The following PDE4D variants were observed in gnomAD, a reference collection of about 807,000 sequenced individuals.
PDE4D encodes 3',5'-cyclic-AMP phosphodiesterase 4D.
In PDE4D, 24 loss-of-function variants were observed where a neutral mutation model predicts 87.4. The observed-to-expected ratio is 0.27, with a 90% CI of 0.20 to 0.39. The LOEUF (loss-of-function observed/expected upper bound fraction) is 0.39, where lower values mean the gene tolerates loss of function less well. Among genes scored for constraint, PDE4D ranks in the 10% least tolerant of loss-of-function variants. The probability of loss-of-function intolerance (pLI) is 1.00; values close to 1 mark genes in which losing one functional copy is unlikely to be tolerated. For synonymous variants in PDE4D, 384 were observed against 383.2 expected (o/e 1.00, Z -0.02); for missense variants, 714 against 1,041.0 (o/e 0.69, Z 4.32).
intron 1 of PDE4D, among the ~76,000 whole-genome samples, chr5:59,436,386 A>G (rs897000710): frequency 6.6e-6 from 1 of 152,188 alleles, no homozygotes; most frequent in South Asian, 2.1e-4. Flanking sequence ...ATATTGAAAA[A>G]CTTCCTTGGT....
At chr5:59,151,341 T>C (rs1779447418) in intron 5 of PDE4D, among the ~76,000 whole-genome samples, 3 of 152,128 alleles carry the variant, frequency 2.0e-5, no homozygotes. Flanking sequence ...CTTGAAAACA[T>C]AGTCACCTGA....
intron 1 of PDE4D, among the ~76,000 whole-genome samples, chr5:59,791,737 G>A (rs960018891): frequency 1.3e-5 from 2 of 152,098 alleles, no homozygotes; most frequent in African/African-American, 2.4e-5. Flanking sequence ...AAAGTTACAG[G>A]TCTAGGAGGG....
chr5:60,060,726 G>A (rs1224813411), intron 2 of PDE4D, among the ~76,000 whole-genome samples: 1 of 151,956 alleles, frequency 6.6e-6, no homozygotes, highest in Admixed American at 6.6e-5. Context: ...TTTTTCCTGA[G>A]AAGCTGGATA....
chr5:59,954,052 A>G (rs1057220837), intron 3 of PDE4D, among the ~76,000 whole-genome samples: 1 of 152,226 alleles, frequency 6.6e-6, no homozygotes, highest in Admixed American at 6.5e-5. Context: ...CAGCCTCCCA[A>G]GTAGCTGGGA....
chr5:59,940,779 G>A (rs1757090712), intron 3 of PDE4D, among the ~76,000 whole-genome samples: 1 of 152,098 alleles, frequency 6.6e-6, no homozygotes, highest in Admixed American at 6.6e-5. Flanking sequence ...TTAAAACTAG[G>A]TGTAGAGATA....
intron 1 of PDE4D, among the ~76,000 whole-genome samples, chr5:59,718,746 T>C (rs1020203474): frequency 2.6e-5 from 4 of 152,172 alleles, no homozygotes; most frequent in African/African-American, 9.7e-5. Context: ...AATGATTTTA[T>C]ACAATGAAAG....
At chr5:60,007,897 G>A (rs976791127) in intron 2 of PDE4D, among the ~76,000 whole-genome samples, 2 of 151,886 alleles carry the variant, frequency 1.3e-5, no homozygotes, top group Non-Finnish European at 2.9e-5. Context: ...CTCTCAAAGA[G>A]CATATATTCT....
At chr5:59,213,831 T>C (rs888997736) in intron 2 of PDE4D, among the ~76,000 whole-genome samples, 1 of 152,154 alleles carries the variant, frequency 6.6e-6, no homozygotes, top group African/African-American at 2.4e-5. Flanking sequence ...CCCAGTACTT[T>C]AACTGTTGTC....
At chr5:59,757,663 C>T (rs375178690) in intron 1 of PDE4D, among the ~76,000 whole-genome samples, 31 of 152,202 alleles carry the variant, frequency 2.0e-4, no homozygotes, top group Non-Finnish European at 3.7e-4. Flanking sequence ...TTGAACTAGC[C>T]GGCCATCATT....
At chr5:59,573,850 T>C (rs1822294353) in intron 1 of PDE4D, among the ~76,000 whole-genome samples, 1 of 149,974 alleles carries the variant, frequency 6.7e-6, no homozygotes, top group Admixed American at 6.7e-5. Context: ...ATACAAAAAT[T>C]AGCTGGGTGT....
At chr5:59,976,132 G>C (rs1476132711) in intron 3 of PDE4D, among the ~76,000 whole-genome samples, 1 of 152,160 alleles carries the variant, frequency 6.6e-6, no homozygotes, top group East Asian at 1.9e-4. Flanking sequence ...TGAATATAAA[G>C]TGAATACATT....
intron 1 of PDE4D, among the ~76,000 whole-genome samples, chr5:59,831,996 T>C (rs1306382437): frequency 1.3e-5 from 2 of 152,098 alleles, no homozygotes; most frequent in East Asian, 3.9e-4. Flanking sequence ...GCCATTCATA[T>C]AGAAATACAT....
At chr5:59,663,917 A>G (rs1745654312) in intron 1 of PDE4D, among the ~76,000 whole-genome samples, 1 of 152,218 alleles carries the variant, frequency 6.6e-6, no homozygotes, top group Admixed American at 6.5e-5. Flanking sequence ...CTCAAAATAT[A>G]TGCAGGAAAT....
At chr5:60,316,049 T>C (rs1583396572) in intron 1 of PDE4D, among the ~76,000 whole-genome samples, 1 of 152,210 alleles carries the variant, frequency 6.6e-6, no homozygotes, top group Non-Finnish European at 1.5e-5. Flanking sequence ...TTGATGGGGA[T>C]GGCATTGAAT....
At chr5:59,029,478 A>G (rs1382153176) in intron 6 of PDE4D, among the ~76,000 whole-genome samples, 1 of 151,776 alleles carries the variant, frequency 6.6e-6, no homozygotes, top group African/African-American at 2.4e-5. Context: ...AGATCTATAC[A>G]CTGGAAACTA....
At chr5:59,524,121 A>G (rs1812676267) in intron 1 of PDE4D, among the ~76,000 whole-genome samples, 1 of 152,186 alleles carries the variant, frequency 6.6e-6, no homozygotes, top group African/African-American at 2.4e-5. Context: ...AAAATGTGGA[A>G]GCGACTTTGG....
chr5:59,991,255 T>C (rs1762975693), intron 2 of PDE4D, among the ~76,000 whole-genome samples: 1 of 152,012 alleles, frequency 6.6e-6, no homozygotes, highest in Non-Finnish European at 1.5e-5. Flanking sequence ...ACTTCATAAC[T>C]GGAAGGGGTC....
intron 1 of PDE4D, among the ~76,000 whole-genome samples, chr5:59,423,245 C>A (rs1243985541): frequency 1.3e-5 from 2 of 152,160 alleles, no homozygotes; most frequent in Admixed American, 6.5e-5. Flanking sequence ...CCCAGGGAAG[C>A]ATTCTCCAAA....
At chr5:59,799,847 C>T (rs16890200) in intron 1 of PDE4D, among the ~76,000 whole-genome samples, 11,465 of 152,140 alleles carry the variant, frequency 0.075, 512 homozygotes, top group Middle Eastern at 0.16. Context: ...AAATTTACTT[C>T]GAGATACAAA....
Sources: gnomAD v4.1 joint callset for allele counts (sites outside exome capture counted in the v4.1 genomes callset) on GRCh38, gnomAD v4.1.1 for gene constraint, MANE v1.5 for transcripts, NCBI Gene and HGNC (gene_info 2026-07-23, HGNC 2026-07-21) for gene names.